The following SZRD1 variants were observed in gnomAD, a reference collection of about 807,000 sequenced individuals.
SZRD1 encodes SUZ RNA-binding domain-containing.
SZRD1 carries 7 observed loss-of-function variants against 17.6 expected under a neutral mutation model. That is an observed-to-expected ratio of 0.40 (90% CI 0.23 to 0.75). The LOEUF (loss-of-function observed/expected upper bound fraction) is 0.75, where lower values mean the gene tolerates loss of function less well. Ranked by LOEUF, SZRD1 falls within the 30% of genes least tolerant of loss-of-function variation. The probability of loss-of-function intolerance (pLI) is 0.38; values close to 1 mark genes in which losing one functional copy is unlikely to be tolerated. For synonymous variants in SZRD1, 77 were observed against 77.9 expected (o/e 0.99, Z 0.06); for missense variants, 178 against 201.8 (o/e 0.88, Z 0.71).
Position 16,393,278 on chromosome 1 carries a change from G to T in SZRD1, c.152G>T (p.Ser51Ile). Residue 51 changes from serine (S) to isoleucine (I), a missense_variant, in exon 3 of 4, where the codon AGC becomes ATC. This residue lies in a region of SZRD1 where 117 missense variants were observed against 108.7 expected (regional missense o/e 1.08). Coordinates refer to ENST00000401088, the MANE Select transcript of SZRD1 (RefSeq NM_001114600.3). The surrounding 1 kb of genome is among the most constrained non-coding windows in gnomAD (Gnocchi z 5.6). Reference protein sequence around the residue: ...PKVPIVIQDDSLPAGPPPQIR... With the variant: ...PKVPIVIQDDILPAGPPPQIR... ...GTGCCCATTGTGATTCAGGACGATA[G>T]CCTTCCCGCGGGGCCCCCTCCACAG... is the stretch of plus-strand genomic sequence containing the variant. The T allele has an allele frequency of 6.2e-7, 1 of 1,614,172 alleles. No homozygotes were observed.
rs1230201240 is a variant in SZRD1 at position 16,391,972 on chromosome 1, T to C, written c.101+548T>C. Among the ~76,000 whole-genome samples the C allele has an allele frequency of 6.6e-6, 1 of 152,062 alleles. No individual in the cohort carries two copies. The highest frequency in any genetic ancestry group is 1.5e-5 in the Non-Finnish European group (1 of 67,986). On this transcript the variant is annotated intron_variant, in intron 2 of 3. Coordinates refer to ENST00000401088, the MANE Select transcript of SZRD1 (RefSeq NM_001114600.3). This position sits in a 1 kb window ranked among gnomAD's most constrained non-coding sequence, Gnocchi z 4.3. ...GTGAAAGTTGACTTCGGCTTTCTGC[T>C]TTTGGGCTTAGGGAACCTGTTGGTT...
At chr1:16,367,386 G>C (rs1291243591) in intron 1 of SZRD1, 78 bp downstream of exon 1, 17 of 1,392,064 alleles carry the variant, frequency 1.2e-5, no homozygotes, top group African/African-American at 2.9e-5. Flanking sequence ...CGGGTCTGGA[G>C]ATAGTTCTCC....
At chr1:16,381,355 T>TCC (rs1439330536) in intron 1 of SZRD1, among the ~76,000 whole-genome samples, 2 of 150,706 alleles carry the variant, frequency 1.3e-5, no homozygotes, top group Non-Finnish European at 2.9e-5. Context: ...AGTCAGGAGT[T>TCC]TGACAGCCTG....
In SZRD1 at chr1:16,397,069, T is replaced by C. The variant is rs2085324333; in HGVS notation, c.*1929T>C. On this transcript the variant is annotated 3_prime_UTR_variant, in exon 4 of 4. Coordinates refer to ENST00000401088, the MANE Select transcript of SZRD1 (RefSeq NM_001114600.3). The surrounding 1 kb of genome is among the most constrained non-coding windows in gnomAD (Gnocchi z 5.4). ...GCCCAAAGTGAGACTTTCCTTTTAA[T>C]TGGAGAAGGGTATAGAGGTAGTCCA... 1 of 152,422 alleles carries C rather than the reference T, an allele frequency of 6.6e-6. No individual in the cohort carries two copies. The highest frequency in any genetic ancestry group is 6.5e-5 in the Admixed American group (1 of 15,314). The allele number at this position is 152,422 out of a possible 1,614,324, so 9.4% of individuals were successfully genotyped here.
intron 1 of SZRD1, among the ~76,000 whole-genome samples, chr1:16,372,674 A>G (rs2082934060): frequency 6.6e-6 from 1 of 152,196 alleles, no homozygotes; most frequent in Non-Finnish European, 1.5e-5. Flanking sequence ...ATCTTGAATA[A>G]GTTAAAGGAT....
chr1:16,397,880 A>G lies in SZRD1; in HGVS notation c.*2740A>G, dbSNP rs948626911. 2.2e-5 allele frequency: 9 copies of G among 408,114 alleles called. No homozygotes were observed. Among genetic ancestry groups the G allele is most frequent in the African/African-American group, 1.9e-4 (9 of 46,350 alleles). The allele number at this position is 408,114 out of a possible 1,614,324, so 25.3% of individuals were successfully genotyped here. A position where few individuals can be genotyped will look rare whatever the true frequency, so the allele number is the denominator to read the frequency against. On this transcript the variant is annotated 3_prime_UTR_variant, in exon 4 of 4. Coordinates refer to ENST00000401088, the MANE Select transcript of SZRD1 (RefSeq NM_001114600.3). The surrounding 1 kb of genome is among the most constrained non-coding windows in gnomAD (Gnocchi z 5.4). ...GTGCCCTGCTCAGGGATGGGCTGGCAGGGCTGTACCCAGCCTCCCTGGTAA... is the reference window on the plus strand; with the variant it reads ...GTGCCCTGCTCAGGGATGGGCTGGCGGGGCTGTACCCAGCCTCCCTGGTAA...
chr1:16,382,101 C>T lies in SZRD1; in HGVS notation c.52-9274C>T, dbSNP rs115561931. Among the ~76,000 whole-genome samples the T allele has an allele frequency of 9.2e-3, 1,401 of 152,072 alleles. 25 individuals are homozygous for T. Among genetic ancestry groups the T allele is most frequent in the African/African-American group, 0.031 (1,275 of 41,470 alleles). On this transcript the variant is annotated intron_variant, in intron 1 of 3. Coordinates refer to ENST00000401088, the MANE Select transcript of SZRD1 (RefSeq NM_001114600.3). ...GATGAGGTCAGAGGTAGTGGACAGC[C>T]AGATTTAGTAGAGACCCGTAGGCCA...
At chr1:16,378,070 G>T (rs1345342174) in intron 1 of SZRD1, among the ~76,000 whole-genome samples, 1 of 152,058 alleles carries the variant, frequency 6.6e-6, no homozygotes, top group African/African-American at 2.4e-5. Flanking sequence ...TTTATTTCCA[G>T]GGCAAGACTC....
chr1:16,371,173 C>A (rs1450845409), intron 1 of SZRD1, among the ~76,000 whole-genome samples: 1 of 152,148 alleles, frequency 6.6e-6, no homozygotes, highest in Non-Finnish European at 1.5e-5. Context: ...GATCCCTGCC[C>A]TCCAACACCA....
chr1:16,386,501 C>T lies in SZRD1; in HGVS notation c.52-4874C>T, dbSNP rs148996429. Among the ~76,000 whole-genome samples, 19 of 152,246 alleles carry T rather than the reference C, an allele frequency of 1.2e-4. No individual in the cohort carries two copies. In the East Asian group the frequency reaches 3.7e-3, roughly 29 times the overall value. On this transcript the variant is annotated intron_variant, in intron 1 of 3. Coordinates refer to ENST00000401088, the MANE Select transcript of SZRD1 (RefSeq NM_001114600.3). ...CCCTGTAGGAAAGTTTTGACTTGGT[C>T]CAGCTTTTCAGAGCATGAGTCTGAG...
intron 1 of SZRD1, 85 bp downstream of exon 1, chr1:16,367,393 C>G: frequency 7.4e-7 from 1 of 1,355,030 alleles, no homozygotes; most frequent in Non-Finnish European, 1.0e-6. Flanking sequence ...GGAGATAGTT[C>G]TCCCCAAGGA....
intron 1 of SZRD1, chr1:16,387,904 G>C (rs184503863): frequency 8.5e-6 from 3 of 351,250 alleles, no homozygotes; most frequent in South Asian, 4.3e-5. Flanking sequence ...GACAGAGTAC[G>C]TAGTGGACAT....
chr1:16,389,278 G>GCA (rs886511465), intron 1 of SZRD1, among the ~76,000 whole-genome samples: 2 of 121,320 alleles, frequency 1.6e-5, no homozygotes, highest in Admixed American at 8.7e-5. Context: ...AGGGGGGGTG[G>GCA]GGGGGGGGCA....
chr1:16,391,478 G>GCAGT lies in SZRD1; in HGVS notation c.101+59_101+62dup. 1 of 1,444,012 alleles carries GCAGT rather than the reference G, an allele frequency of 6.9e-7. No homozygotes were observed. Among genetic ancestry groups the GCAGT allele is most frequent in the Non-Finnish European group, 9.5e-7 (1 of 1,053,648 alleles). The allele number at this position is 1,444,012 out of a possible 1,614,324, so 89.4% of individuals were successfully genotyped here. ...ATGCTCTCTGTGGTTTGAGAGCCGG[G>GCAGT]CAGTCAGTGGTGTTCTCCAGCTGGC... On this transcript the variant is annotated intron_variant, in intron 2 of 3. Transcript: ENST00000401088. This position sits in a 1 kb window ranked among gnomAD's most constrained non-coding sequence, Gnocchi z 4.3.
chr1:16,387,605 G>A lies in SZRD1; in HGVS notation c.52-3770G>A, dbSNP rs192398990. 11 of 456,704 alleles carry A rather than the reference G, an allele frequency of 2.4e-5. No individual in the cohort carries two copies. In the East Asian group the frequency reaches 6.9e-4, roughly 29 times the overall value. The allele number at this position is 456,704 out of a possible 1,614,324, so 28.3% of individuals were successfully genotyped here. Reference sequence around the variant, plus strand: ...TTCCCCAGGTATGCTCCGTGCGAGTGGAGTTTGGCTGCTTGCCTGGTCTAT... The same window carrying A: ...TTCCCCAGGTATGCTCCGTGCGAGTAGAGTTTGGCTGCTTGCCTGGTCTAT... On this transcript the variant is annotated intron_variant, in intron 1 of 3. Coordinates refer to ENST00000401088, the MANE Select transcript of SZRD1 (RefSeq NM_001114600.3).
Position 16,391,564 on chromosome 1 carries a change from T to A in SZRD1, c.101+140T>A. The A allele has an allele frequency of 1.4e-6, 1 of 728,020 alleles. No individual in the cohort carries two copies. The highest frequency in any genetic ancestry group is 1.8e-5 in the South Asian group (1 of 55,074). 45.1% of individuals were successfully genotyped at this position (728,020 alleles called of 1,614,324 possible). A position where few individuals can be genotyped will look rare whatever the true frequency, so the allele number is the denominator to read the frequency against. ...GGGGCAGCAAACCCTTCCCTCCAAA[T>A]TGGAGACCAGGACGTGGTGGCTTGA... On this transcript the variant is annotated intron_variant, in intron 2 of 3. Coordinates refer to ENST00000401088, the MANE Select transcript of SZRD1 (RefSeq NM_001114600.3). This position sits in a 1 kb window ranked among gnomAD's most constrained non-coding sequence, Gnocchi z 4.3.
chr1:16,387,455 T>G (rs555578856), intron 1 of SZRD1: 38 of 450,920 alleles, frequency 8.4e-5, no homozygotes, highest in African/African-American at 7.4e-4. Context: ...AGTTGGAAAA[T>G]TCAGTGCATT....
At chr1:16,368,483 G>T (rs1003509591) in intron 1 of SZRD1, among the ~76,000 whole-genome samples, 1 of 151,914 alleles carries the variant, frequency 6.6e-6, no homozygotes. Context: ...TTCTCTCAAC[G>T]GTTGTTTATG....
intron 1 of SZRD1, among the ~76,000 whole-genome samples, chr1:16,372,293 T>C (rs747498604): frequency 5.9e-5 from 9 of 151,984 alleles, no homozygotes; most frequent in African/African-American, 9.7e-5. Flanking sequence ...GCCAACATGG[T>C]GAAACCCCGT....
Sources: allele counts gnomAD v4.1 joint callset (sites outside exome capture counted in the v4.1 genomes callset), GRCh38; gene constraint gnomAD v4.1.1; regional missense constraint gnomAD v4.1.1; non-coding constraint Gnocchi (gnomAD v3.1); transcripts MANE v1.5; gene names NCBI Gene and HGNC (gene_info 2026-07-23, HGNC 2026-07-21).